The following DIAPH1 variants were observed in gnomAD, a reference collection of about 807,000 sequenced individuals.
The protein encoded by DIAPH1 is protein diaphanous homolog 1.
In DIAPH1, 46 loss-of-function variants were observed where a neutral mutation model predicts 140.7. The ratio of observed to expected loss-of-function variants is 0.33; its 90% CI spans 0.26 to 0.42. The LOEUF is 0.42. DIAPH1 is among the 10% of genes least tolerant of loss of function. DIAPH1 has a pLI of 1.00. For missense variants in DIAPH1, 1,310 were observed against 1,558.7 expected (o/e 0.84, Z 2.69); for synonymous variants, 565 against 551.6 (o/e 1.02, Z -0.34).
In DIAPH1 at chr5:141,587,114, C is replaced by T. The variant is rs774411191; in HGVS notation, c.228G>A (p.Gly76=). Residue 76 remains glycine (G), a synonymous_variant, in exon 3 of 28, where the codon GGG becomes GGA. Transcript: ENST00000389054. ...GCAATGACTGTGCTGTGGGATCATC[C>T]CCATATGATGCAGAAGAATTTCTAT... ...SAHRNSSASY[G]DDPTAQSLQD... 1 of 1,614,020 alleles carries T rather than the reference C, an allele frequency of 6.2e-7. No individual in the cohort carries two copies. The highest frequency in any genetic ancestry group is 8.5e-7 in the Non-Finnish European group (1 of 1,179,954).
At chr5:141,547,906 A>T (rs980318403) in intron 18 of DIAPH1, among the ~76,000 whole-genome samples, 1 of 152,148 alleles carries the variant, frequency 6.6e-6, no homozygotes. Context: ...TAAAAAAAAA[A>T]TCCTTGCTGG....
chr5:141,618,586 G>A (rs1027346989), intron 1 of DIAPH1: 8 of 468,760 alleles, frequency 1.7e-5, no homozygotes, highest in Middle Eastern at 5.8e-4. Context: ...GAAGCCCCGA[G>A]GTGGCCGGGG....
rs753142718 is a variant in DIAPH1 at position 141,582,273 on chromosome 5, T to C, written c.684+39A>G. On this transcript the variant is annotated intron_variant, in intron 7 of 27. Coordinates refer to ENST00000389054, the MANE Select transcript of DIAPH1 (RefSeq NM_005219.5). ...GCCAATAGAAGAGAAAGAACAGGCG[T>C]CCAGATGGGGTTTGGAATGAGAATG... 28 of 1,520,562 alleles carry C rather than the reference T, an allele frequency of 1.8e-5. No homozygotes were observed. The East Asian group carries it at 5.9e-4, about 32-fold the overall frequency. 94.2% of individuals were successfully genotyped at this position (1,520,562 alleles called of 1,614,324 possible).
At position 141,526,412 on chromosome 5, in the gene DIAPH1, T is replaced by C. The variant is rs2099887330; in HGVS notation, c.3323A>G (p.His1108Arg). 1 of 1,614,060 alleles carries C rather than the reference T, an allele frequency of 6.2e-7. No individual in the cohort carries two copies. Among genetic ancestry groups the C allele is most frequent in the Non-Finnish European group, 8.5e-7 (1 of 1,180,038 alleles). Reference sequence around the variant, plus strand: ...CTTATAGAGGGTCTCCATGTTAGAATGCATCATCCGCAGCTTGTTATACTG... The same window carrying C: ...CTTATAGAGGGTCTCCATGTTAGAACGCATCATCCGCAGCTTGTTATACTG... ...QEQYNKLRMM[H>R]SNMETLYKEL... The change falls in exon 25 of 28, where the codon CAT (histidine) becomes CGT (arginine). Residue 1108 changes from histidine to arginine, a missense_variant. By Grantham distance (29) the His-to-Arg change is conservative. Around this residue, in one of 3 missense-constraint regions of DIAPH1, gnomAD observed 344 missense variants for 512.2 expected, o/e 0.67. Coordinates refer to ENST00000389054, the MANE Select transcript of DIAPH1 (RefSeq NM_005219.5).
At chr5:141,547,739 C>A (rs886963770) in intron 18 of DIAPH1, among the ~76,000 whole-genome samples, 5 of 152,108 alleles carry the variant, frequency 3.3e-5, no homozygotes, top group Non-Finnish European at 7.4e-5. Flanking sequence ...AAAAATTGGA[C>A]AGGAGCAAGA....
intron 27 of DIAPH1, among the ~76,000 whole-genome samples, chr5:141,520,038 A>G (rs923985730): frequency 5.3e-5 from 8 of 152,226 alleles, no homozygotes; most frequent in African/African-American, 1.9e-4. Flanking sequence ...TCAACCATAT[A>G]ACGCAAGTTT....
chr5:141,581,265 A>G (rs2099896716), intron 7 of DIAPH1, among the ~76,000 whole-genome samples: 1 of 152,192 alleles, frequency 6.6e-6, no homozygotes, highest in Non-Finnish European at 1.5e-5. Flanking sequence ...TAGGAGGGAT[A>G]TGGAACATAT....
rs2099895623 is a variant in DIAPH1 at position 141,574,235 on chromosome 5, C to T, written c.1642-27G>A. ...TACAGAAATAACATCAATGTGAGTACTTCTCACCCCACTTCAGGGACTACT... is the reference window on the plus strand; with the variant it reads ...TACAGAAATAACATCAATGTGAGTATTTCTCACCCCACTTCAGGGACTACT... On this transcript the variant is annotated intron_variant, in intron 15 of 27. Transcript: ENST00000389054. 3 of 1,610,692 alleles carry T rather than the reference C, an allele frequency of 1.9e-6. No homozygotes were observed. The South Asian group carries it at 3.3e-5, about 18-fold the overall frequency.
In DIAPH1 at chr5:141,589,588, AATT is replaced by A. The variant is rs557236831; in HGVS notation, c.118-1341_118-1339del. Reference sequence around the variant, plus strand: ...TAACACTGTATTATTTGGTATGTAAAATTATTATATAAAGGAAATAATCACCAT... The same window carrying A: ...TAACACTGTATTATTTGGTATGTAAAATTATATAAAGGAAATAATCACCAT... On this transcript the variant is annotated intron_variant, in intron 1 of 27. Coordinates refer to ENST00000389054, the MANE Select transcript of DIAPH1 (RefSeq NM_005219.5). Among the ~76,000 whole-genome samples the A allele has an allele frequency of 4.0e-3, 564 of 140,548 alleles. 5 individuals carry two copies. The highest frequency in any genetic ancestry group is 0.012 in the Admixed American group (161 of 13,516). The allele number at this position is 140,548 out of a possible 152,430, so 92.2% of individuals were successfully genotyped here.
intron 27 of DIAPH1, among the ~76,000 whole-genome samples, chr5:141,522,186 T>C (rs2099886654): frequency 6.6e-6 from 1 of 152,212 alleles, no homozygotes; most frequent in African/African-American, 2.4e-5. Flanking sequence ...TATATTCAAG[T>C]GTATTTAGTG....
intron 18 of DIAPH1, among the ~76,000 whole-genome samples, chr5:141,555,287 G>T (rs954056592): frequency 2.0e-5 from 3 of 152,216 alleles, no homozygotes; most frequent in Non-Finnish European, 4.4e-5. Context: ...GAAACTGTGA[G>T]AAAGGTAAGA....
intron 27 of DIAPH1, among the ~76,000 whole-genome samples, chr5:141,519,849 A>G (rs1596332772): frequency 6.6e-6 from 1 of 152,012 alleles, no homozygotes. Context: ...CCCCCAACTT[A>G]CTCACTTGTT....
intron 18 of DIAPH1, among the ~76,000 whole-genome samples, chr5:141,555,561 G>A (rs1040081521): frequency 1.3e-5 from 2 of 152,166 alleles, no homozygotes; most frequent in Non-Finnish European, 2.9e-5. Flanking sequence ...ATTTTCATAA[G>A]AGCAAAGATG....
Position 141,574,143 on chromosome 5 carries a change from A to G in DIAPH1, c.1707T>C (p.Ala569=). The change falls in exon 16 of 28, where the codon GCT becomes GCC. Residue 569 remains alanine, a synonymous_variant. Coordinates refer to ENST00000389054, the MANE Select transcript of DIAPH1 (RefSeq NM_005219.5). ...KKEMASLSAA[A]ITVPPSVPSR... ...TAGGAACAGAAGGAGGTACAGTAAT[A>G]GCTGCCGCAGAGAGGGAAGCCATTT... 3 of 1,614,086 alleles carry G rather than the reference A, an allele frequency of 1.9e-6. No individual in the cohort carries two copies. Among genetic ancestry groups the G allele is most frequent in the Non-Finnish European group, 2.5e-6 (3 of 1,180,002 alleles).
chr5:141,518,312 G>GAAA (rs55840265), intron 27 of DIAPH1, among the ~76,000 whole-genome samples: 58 of 115,302 alleles, frequency 5.0e-4, no homozygotes, highest in African/African-American at 1.7e-3. Context: ...AGCTCAATTG[G>GAAA]AAAAAAAAAA....
intron 1 of DIAPH1, among the ~76,000 whole-genome samples, chr5:141,609,907 C>T (rs979348676): frequency 6.6e-6 from 1 of 152,172 alleles, no homozygotes; most frequent in African/African-American, 2.4e-5. Flanking sequence ...CTGTTGACCA[C>T]AGGTGACAAT....
intron 1 of DIAPH1, among the ~76,000 whole-genome samples, chr5:141,610,015 A>C (rs1173061346): frequency 1.3e-5 from 2 of 152,222 alleles, no homozygotes; most frequent in Non-Finnish European, 2.9e-5. Flanking sequence ...GAAAAGAGAG[A>C]AGCCGAGCAC....
At chr5:141,521,991 C>G (rs1454822253) in intron 27 of DIAPH1, among the ~76,000 whole-genome samples, 1 of 152,220 alleles carries the variant, frequency 6.6e-6, no homozygotes, top group African/African-American at 2.4e-5. Flanking sequence ...CAGACAGCAT[C>G]AGAACTAGAT....
At chr5:141,559,924 C>T (rs2099893257) in intron 18 of DIAPH1, among the ~76,000 whole-genome samples, 1 of 152,090 alleles carries the variant, frequency 6.6e-6, no homozygotes, top group Admixed American at 6.5e-5. Flanking sequence ...ATTATTAATC[C>T]CCATGCATAC....
Sources: allele counts gnomAD v4.1 joint callset (sites outside exome capture counted in the v4.1 genomes callset), GRCh38; gene constraint gnomAD v4.1.1; regional missense constraint gnomAD v4.1.1; transcripts MANE v1.5; gene names NCBI Gene and HGNC (gene_info 2026-07-23, HGNC 2026-07-21).